Variants in PRSS23 observed in about 807,000 individuals in gnomAD.
PRSS23 encodes the protein protease, serine 23.
A neutral mutation model predicts 34.7 loss-of-function variants in PRSS23; 25 were observed. The ratio of observed to expected loss-of-function variants is 0.72; its 90% CI spans 0.53 to 1.01. The LOEUF is 1.01. Ranked by LOEUF, PRSS23 falls within the 50% of genes least tolerant of loss-of-function variation. The probability of loss-of-function intolerance (pLI) is 0.00; values close to 1 mark genes in which losing one functional copy is unlikely to be tolerated. For synonymous variants in PRSS23, 176 were observed against 186.6 expected, an observed-to-expected ratio of 0.94 and a Z score of 0.46; for missense variants, 445 against 475.6, an observed-to-expected ratio of 0.94 and a Z score of 0.60.
intron 2 of PRSS23, among the ~76,000 whole-genome samples, chr11:86,938,831 A>G (rs758561472): frequency 2.0e-5 from 3 of 152,078 alleles, no homozygotes; most frequent in Non-Finnish European, 4.4e-5. Context: ...ACACTAGAGA[A>G]CCTAAGAAGG....
chr11:86,815,718 A>ATAT (rs1948210881), downstream of PRSS23, among the ~76,000 whole-genome samples: 2 of 152,166 alleles, frequency 1.3e-5, no homozygotes, highest in Non-Finnish European at 2.9e-5. Flanking sequence ...AGCACAGGAA[A>ATAT]TATTTGTGAG....
At chr11:86,813,026 G>A (rs1189792257), downstream of PRSS23, among the ~76,000 whole-genome samples, 1 of 152,080 alleles carries the variant, frequency 6.6e-6, no homozygotes, top group African/African-American at 2.4e-5. Context: ...GGGCTCATTT[G>A]AAGCTGAGGA....
intron 2 of PRSS23, among the ~76,000 whole-genome samples, chr11:86,931,830 A>ATT (rs11444876): frequency 5.9e-5 from 9 of 151,542 alleles, no homozygotes; most frequent in Admixed American, 2.6e-4. Flanking sequence ...CTGTACTTCA[A>ATT]TTTTTTTTAA....
chr11:86,817,697 T>C (rs1948223941), intron 1 of PRSS23, among the ~76,000 whole-genome samples: 1 of 152,240 alleles, frequency 6.6e-6, no homozygotes, highest in African/African-American at 2.4e-5. Context: ...ATTTACGTTG[T>C]GTTCAGGCAA....
intron 2 of PRSS23, chr11:86,947,970 C>T (rs901008836): frequency 1.3e-5 from 2 of 152,274 alleles, no homozygotes; most frequent in Admixed American, 6.5e-5. Context: ...TATACCTATA[C>T]AAGTCACATG....
intron 2 of PRSS23, chr11:86,948,624 A>G (rs934333752): frequency 6.6e-6 from 1 of 152,242 alleles, no homozygotes; most frequent in Non-Finnish European, 1.5e-5. Flanking sequence ...TGGAAAAGGC[A>G]TGTCAAAACC....
chr11:86,905,242 A>T (rs186464771), intron 2 of PRSS23, among the ~76,000 whole-genome samples: 1 of 152,368 alleles, frequency 6.6e-6, no homozygotes, highest in African/African-American at 2.4e-5. Context: ...TATTCAGCAC[A>T]TAGTGGCTAT....
At chr11:86,945,480 T>C (rs544245041) in intron 2 of PRSS23, among the ~76,000 whole-genome samples, 38 of 152,282 alleles carry the variant, frequency 2.5e-4, no homozygotes, top group African/African-American at 8.9e-4. Flanking sequence ...TCAATTCTGT[T>C]GACCTTAGAC....
intron 2 of PRSS23, among the ~76,000 whole-genome samples, chr11:86,854,801 T>G (rs1052916632): frequency 1.3e-5 from 2 of 152,200 alleles, no homozygotes; most frequent in Non-Finnish European, 2.9e-5. Flanking sequence ...TGGCACCTAT[T>G]TTAAAAATCA....
chr11:86,852,906 T>G (rs377642915), intron 2 of PRSS23, among the ~76,000 whole-genome samples: 1 of 152,202 alleles, frequency 6.6e-6, no homozygotes. Flanking sequence ...CAGGCTGGAG[T>G]GCAGTGGCAT....
At chr11:86,820,514 G>A (rs1948244414) in intron 1 of PRSS23, among the ~76,000 whole-genome samples, 1 of 152,114 alleles carries the variant, frequency 6.6e-6, no homozygotes, top group Non-Finnish European at 1.5e-5. Context: ...GTCCATTGTT[G>A]CAGAAAGGTA....
rs1314504171 is a variant in PRSS23 at position 86,881,328 on chromosome 11, C to CT, written c.206+57743dup. 4.8e-5 allele frequency among the ~76,000 whole-genome samples: 6 copies of CT among 125,822 alleles called. No individual in the cohort carries two copies. The South Asian group carries it at 7.7e-4, about 16-fold the overall frequency. 82.5% of individuals were successfully genotyped at this position (125,822 alleles called of 152,430 possible). A position where few individuals can be genotyped will look rare whatever the true frequency, so the allele number is the denominator to read the frequency against. ...TTTGGCTTTTTTTTGTTGGTTTTTT[C>CT]TTTTTTTTGCATCTATTGAGGTGAT... On this transcript the variant is annotated intron_variant, in intron 2 of 2. Coordinates refer to the PRSS23 transcript ENST00000533902.
At chr11:86,804,848 GC>G (rs749794567) in intron 1 of PRSS23, among the ~76,000 whole-genome samples, 34 of 152,174 alleles carry the variant, frequency 2.2e-4, no homozygotes, top group Non-Finnish European at 4.4e-4. Flanking sequence ...TATTGTAACT[GC>G]CATGTTCTTC....
In PRSS23 at chr11:86,808,964, A is replaced by G; in HGVS notation, c.*169A>G. The G allele has an allele frequency of 3.3e-6, 2 of 611,492 alleles. No individual in the cohort carries two copies. 37.9% of individuals were successfully genotyped at this position (611,492 alleles called of 1,614,324 possible). ...TTACAATTGCAAGATGACTGGCTTT[A>G]CTATTTGAAAACTGGTTTGTGTATC... On this transcript the variant is annotated 3_prime_UTR_variant, in exon 2 of 2. Coordinates refer to ENST00000280258, the MANE Select transcript of PRSS23 (RefSeq NM_007173.6).
intron 2 of PRSS23, among the ~76,000 whole-genome samples, chr11:86,843,329 C>T (rs1444608863): frequency 6.6e-6 from 1 of 152,186 alleles, no homozygotes; most frequent in Admixed American, 6.5e-5. Flanking sequence ...TAGAAGACAA[C>T]CTAGGCAATA....
chr11:86,939,432 T>TTTTTTTTAAAA (rs1555084024), intron 2 of PRSS23, among the ~76,000 whole-genome samples: 1 of 111,626 alleles, frequency 9.0e-6, no homozygotes, highest in African/African-American at 3.3e-5. Flanking sequence ...ATATATTTTT[T>TTTTTTTTAAAA]AACATGAGTA....
At chr11:86,847,369 T>C (rs1380104096) in intron 2 of PRSS23, among the ~76,000 whole-genome samples, 1 of 152,202 alleles carries the variant, frequency 6.6e-6, no homozygotes, top group Non-Finnish European at 1.5e-5. Flanking sequence ...AGAAGGACCA[T>C]AATAAATCCA....
intron 2 of PRSS23, among the ~76,000 whole-genome samples, chr11:86,852,541 T>C (rs2134920405): frequency 6.6e-6 from 1 of 152,238 alleles, no homozygotes; most frequent in South Asian, 2.1e-4. Flanking sequence ...TTTTGGGAAA[T>C]ATACCACATA....
At chr11:86,830,044 C>A (rs11501853) in intron 2 of PRSS23, among the ~76,000 whole-genome samples, 19 of 152,220 alleles carry the variant, frequency 1.2e-4, no homozygotes. Context: ...ACATTTAAGT[C>A]TGCAGAGGTT....
Sources: allele counts gnomAD v4.1 joint callset (sites outside exome capture counted in the v4.1 genomes callset), GRCh38; gene constraint gnomAD v4.1.1; transcripts MANE v1.5; gene names NCBI Gene and HGNC (gene_info 2026-07-23, HGNC 2026-07-21).